The following CSMD1 variants were observed in gnomAD, a reference collection of about 807,000 sequenced individuals.
CSMD1 encodes CUB and sushi domain-containing protein 1.
CSMD1 carries 213 observed loss-of-function variants against 417.5 expected under a neutral mutation model. The ratio of observed to expected loss-of-function variants is 0.51; its 90% confidence interval spans 0.46 to 0.57. The LOEUF (loss-of-function observed/expected upper bound fraction) is 0.57. CSMD1 is among the 20% of genes least tolerant of loss of function. The pLI is 0.00. For synonymous variants in CSMD1, 2,862 were observed against 1,736.8 expected (o/e 1.65, Z -16.11); for missense variants, 6,923 against 4,529.7 (o/e 1.53, Z -15.17).
intron 26 of CSMD1, among the ~76,000 whole-genome samples, chr8:3,237,852 C>G (rs1178780805): frequency 3.9e-5 from 3 of 77,448 alleles, no homozygotes; most frequent in African/African-American, 1.6e-4. Context: ...TATACTTATA[C>G]TATAAATATA....
intron 36 of CSMD1, among the ~76,000 whole-genome samples, chr8:3,185,966 G>C (rs1821729903): frequency 6.6e-6 from 1 of 151,612 alleles, no homozygotes; most frequent in Non-Finnish European, 1.5e-5. Flanking sequence ...GATTTGTCTA[G>C]CTATATTTTA....
At chr8:3,024,247 AT>A (rs200328222) in intron 51 of CSMD1, among the ~76,000 whole-genome samples, 1,615 of 129,372 alleles carry the variant, frequency 0.012, 24 homozygotes, top group African/African-American at 0.045. Flanking sequence ...GTGTTTATTG[AT>A]TTTTTTCTTG....
At position 3,387,799 on chromosome 8, in the gene CSMD1, G is replaced by A. The variant is rs577702630; in HGVS notation, c.2594-117C>T. The A allele has an allele frequency of 3.6e-4, 296 of 819,802 alleles. 1 individual carries two copies. The highest frequency in any genetic ancestry group is 2.1e-3 in the Middle Eastern group (7 of 3,392). The allele number at this position is 819,802 out of a possible 1,614,324, so 50.8% of individuals were successfully genotyped here. A position where few individuals can be genotyped will look rare whatever the true frequency, so the allele number is the denominator to read the frequency against. On this transcript the variant is annotated intron_variant, in intron 17 of 69. Transcript: ENST00000635120. ...GAAATAATAAGACCTGAAACATTAT[G>A]CAAGTGAACCCAACAATCCATGGAC...
intron 3 of CSMD1, among the ~76,000 whole-genome samples, chr8:4,122,112 T>G (rs866769729): frequency 4.2e-4 from 64 of 152,270 alleles, no homozygotes; most frequent in African/African-American, 1.5e-3. Context: ...TTGTATCGTA[T>G]AGGATATCAG....
intron 2 of CSMD1, among the ~76,000 whole-genome samples, chr8:4,571,421 G>A (rs1223897809): frequency 6.6e-6 from 1 of 152,170 alleles, no homozygotes; most frequent in Non-Finnish European, 1.5e-5. Flanking sequence ...TTTAGGAGCA[G>A]GTTATCAGTT....
At chr8:4,058,354 A>G (rs1021124207) in intron 3 of CSMD1, among the ~76,000 whole-genome samples, 25 of 152,198 alleles carry the variant, frequency 1.6e-4, no homozygotes, top group African/African-American at 5.5e-4. Flanking sequence ...TTGGTATATA[A>G]GAATGCTTGT....
chr8:4,216,964 C>G (rs2128805662), intron 3 of CSMD1, among the ~76,000 whole-genome samples: 1 of 152,170 alleles, frequency 6.6e-6, no homozygotes, highest in African/African-American at 2.4e-5. Context: ...AATGGCTGTC[C>G]TAGGATAGGT....
chr8:4,089,891 G>A (rs967172457), intron 3 of CSMD1, among the ~76,000 whole-genome samples: 2 of 152,102 alleles, frequency 1.3e-5, no homozygotes, highest in Admixed American at 6.5e-5. Context: ...AGAGCTGTGG[G>A]GTCAGGGACC....
chr8:4,831,157 A>T (rs1052368171), intron 1 of CSMD1, among the ~76,000 whole-genome samples: 1 of 152,212 alleles, frequency 6.6e-6, no homozygotes, highest in African/African-American at 2.4e-5. Context: ...CCGTTATTCA[A>T]TGGACAAAGA....
intron 1 of CSMD1, among the ~76,000 whole-genome samples, chr8:4,743,214 G>C (rs1013294596): frequency 2.6e-5 from 4 of 152,006 alleles, no homozygotes; most frequent in African/African-American, 7.2e-5. Context: ...TGATAGAGGA[G>C]GTCACATTAT....
chr8:3,895,680 C>T (rs570592081), intron 5 of CSMD1, among the ~76,000 whole-genome samples: 2 of 152,194 alleles, frequency 1.3e-5, no homozygotes, highest in African/African-American at 2.4e-5. Context: ...TATTTATAAT[C>T]CAAGTATTTG....
intron 8 of CSMD1, among the ~76,000 whole-genome samples, chr8:3,588,281 A>G (rs1800691393): frequency 6.6e-6 from 1 of 151,750 alleles, no homozygotes; most frequent in African/African-American, 2.4e-5. Context: ...TAGATAACAT[A>G]ATAGTTAAGA....
chr8:4,695,724 G>A (rs1807084421), intron 1 of CSMD1, among the ~76,000 whole-genome samples: 1 of 151,896 alleles, frequency 6.6e-6, no homozygotes, highest in South Asian at 2.1e-4. Context: ...ATTTACCGTT[G>A]GTATTTTATG....
At chr8:4,457,002 A>G (rs1799530904) in intron 2 of CSMD1, among the ~76,000 whole-genome samples, 2 of 151,710 alleles carry the variant, frequency 1.3e-5, no homozygotes, top group African/African-American at 2.4e-5. Context: ...AAAAAAAACA[A>G]CAAGAAAAGA....
chr8:3,887,304 C>G (rs952359371), intron 5 of CSMD1, among the ~76,000 whole-genome samples: 1 of 152,190 alleles, frequency 6.6e-6, no homozygotes, highest in Non-Finnish European at 1.5e-5. Context: ...ATCCTCCCCC[C>G]ATCGCCAGGT....
chr8:4,834,013 C>A (rs111753492), intron 1 of CSMD1, among the ~76,000 whole-genome samples: 2 of 152,048 alleles, frequency 1.3e-5, no homozygotes, highest in Non-Finnish European at 2.9e-5. Flanking sequence ...AAAAATAGAC[C>A]CGGGATGCAA....
chr8:3,826,409 C>A (rs572162971), intron 5 of CSMD1, among the ~76,000 whole-genome samples: 1 of 152,118 alleles, frequency 6.6e-6, no homozygotes, highest in Non-Finnish European at 1.5e-5. Flanking sequence ...TCATGAGACA[C>A]GAGTTATTAG....
intron 5 of CSMD1, among the ~76,000 whole-genome samples, chr8:3,979,623 A>G (rs1813702541): frequency 6.6e-6 from 1 of 152,180 alleles, no homozygotes; most frequent in Non-Finnish European, 1.5e-5. Context: ...TAAAAAGAGG[A>G]AGAGATTCCA....
intron 25 of CSMD1, among the ~76,000 whole-genome samples, chr8:3,301,736 G>A (rs1045320329): frequency 1.5e-4 from 23 of 152,272 alleles, no homozygotes; most frequent in African/African-American, 5.5e-4. Flanking sequence ...AGGGTATTAT[G>A]GTTCTGGGTA....
Sources: allele counts gnomAD v4.1 joint callset (sites outside exome capture counted in the v4.1 genomes callset), GRCh38; gene constraint gnomAD v4.1.1; transcripts MANE v1.5; gene names NCBI Gene and HGNC (gene_info 2026-07-23, HGNC 2026-07-21).